Variants in CLK2 observed in about 807,000 individuals in gnomAD.
The protein encoded by CLK2 is CDC like kinase 2.
CLK2 carries 12 observed loss-of-function variants against 73.5 expected under a neutral mutation model. That is an observed-to-expected ratio of 0.16 (90% CI 0.10 to 0.26). CLK2 has a LOEUF of 0.26. Ranked by LOEUF, CLK2 falls within the 10% of genes least tolerant of loss-of-function variation. The probability of loss-of-function intolerance (pLI) is 1.00; values close to 1 mark genes in which losing one functional copy is unlikely to be tolerated. For missense variants in CLK2, 509 were observed against 688.4 expected (o/e 0.74, Z 2.92); for synonymous variants, 232 against 237.9 (o/e 0.98, Z 0.23).
At position 155,263,215 on chromosome 1, in the gene CLK2, T is replaced by C. The variant is rs1673057493; in HGVS notation, c.*3A>G. The C allele has an allele frequency of 1.2e-6, 2 of 1,611,656 alleles. No individual in the cohort carries two copies. The highest frequency in any genetic ancestry group is 8.5e-7 in the Non-Finnish European group (1 of 1,178,996). The stretch of plus-strand genomic sequence containing the variant: ...AGATGCAGGGGGGCCCAGGGCCTGA[T>C]CGTCACCGACTGATATCCCGACTGG... On this transcript the variant is annotated 3_prime_UTR_variant, in exon 13 of 13. Coordinates refer to ENST00000368361, the MANE Select transcript of CLK2 (RefSeq NM_001294338.2).
intron 1 of CLK2, among the ~76,000 whole-genome samples, chr1:155,272,204 C>T (rs1236305896): frequency 6.6e-6 from 1 of 152,090 alleles, no homozygotes; most frequent in Non-Finnish European, 1.5e-5. Context: ...TTAGTAGAGA[C>T]AGGGTTTCTC....
At chr1:155,266,590 G>A (rs1673243497) in intron 7 of CLK2, 139 bp downstream of exon 7, 9 of 889,606 alleles carry the variant, frequency 1.0e-5, no homozygotes, top group African/African-American at 3.5e-5. Flanking sequence ...GTCAGAAGAC[G>A]TTTCAAGATG....
Position 155,269,635 on chromosome 1 carries a change from C to T in CLK2, c.252G>A (p.Arg84=), listed in dbSNP as rs759643099. The change falls in exon 3 of 13, where the codon CGG becomes CGA. Residue 84 remains arginine (R), a synonymous_variant. Transcript: ENST00000368361. Reference sequence around the variant, plus strand: ...TGTCATAGTAGGCATCTCCCCGATCCCGGCTATAATCGTTGCGTCTGTAGC... The same window carrying T: ...TGTCATAGTAGGCATCTCCCCGATCTCGGCTATAATCGTTGCGTCTGTAGC... ...CGSYRRNDYS[R]DRGDAYYDTD... is the part of the protein sequence containing the mutation. 6.2e-7 allele frequency: 1 copy of T among 1,614,208 alleles called. No homozygotes were observed. Among genetic ancestry groups the T allele is most frequent in the South Asian group, 1.1e-5 (1 of 91,084 alleles).
chr1:155,269,202 A>T, intron 3 of CLK2: 1 of 589,002 alleles, frequency 1.7e-6, no homozygotes, highest in Non-Finnish European at 3.0e-6. Flanking sequence ...CAAGGTCCCC[A>T]TTAAAGAGTG....
intron 7 of CLK2, among the ~76,000 whole-genome samples, chr1:155,266,446 C>G (rs556734405): frequency 3.9e-5 from 6 of 152,272 alleles, no homozygotes; most frequent in Admixed American, 1.3e-4. Flanking sequence ...TGATGCTTTC[C>G]CAAGAAAGGG....
Position 155,268,641 on chromosome 1 carries a change from G to T in CLK2, c.487+67C>A. On this transcript the variant is annotated intron_variant, in intron 4 of 12. Coordinates refer to ENST00000368361, the MANE Select transcript of CLK2 (RefSeq NM_001294338.2). This position sits in a 1 kb window ranked among gnomAD's most constrained non-coding sequence, Gnocchi z 5.6. Reference sequence around the variant, plus strand: ...AAGGCAAGAGGCTGTGACTCAGGTTGGCTTGGGACGTTAGGATGGCTATGG... The same window carrying T: ...AAGGCAAGAGGCTGTGACTCAGGTTTGCTTGGGACGTTAGGATGGCTATGG... 1 of 1,423,010 alleles carries T rather than the reference G, an allele frequency of 7.0e-7. No individual in the cohort carries two copies. The highest frequency in any genetic ancestry group is 9.9e-7 in the Non-Finnish European group (1 of 1,006,004). The allele number at this position is 1,423,010 out of a possible 1,614,324, so 88.1% of individuals were successfully genotyped here. A position where few individuals can be genotyped will look rare whatever the true frequency, so the allele number is the denominator to read the frequency against.
chr1:155,263,536 C>T (rs1259085869), intron 12 of CLK2, 136 bp from the exon 13 acceptor site: 4 of 1,447,256 alleles, frequency 2.8e-6, no homozygotes, highest in African/African-American at 1.4e-5. Context: ...CACGACCACA[C>T]CAGGACCAAC....
At chr1:155,266,198 T>C (rs1336223888) in intron 7 of CLK2, among the ~76,000 whole-genome samples, 2 of 152,190 alleles carry the variant, frequency 1.3e-5, no homozygotes, top group Non-Finnish European at 2.9e-5. Flanking sequence ...AGTTGTAGTG[T>C]GTACACACTT....
rs761515095 is a variant in CLK2, at chr1:155,264,667, G to A, written c.1041C>T (p.Tyr347=). The A allele has an allele frequency of 5.6e-6, 9 of 1,614,106 alleles. No homozygotes were observed. The Admixed American group carries it at 1.2e-4, about 21-fold the overall frequency. The change falls in exon 9 of 13, where the codon TAC becomes TAT. Residue 347 remains tyrosine (Y), a synonymous_variant. Coordinates refer to ENST00000368361, the MANE Select transcript of CLK2 (RefSeq NM_001294338.2). ...TACCAAGGATGACTTCTGGTGCTCG[G>A]TAATGGCGAGTGGAGACAATGGTGC... ...HHSTIVSTRH[Y]RAPEVILELG...
rs968107332 is a variant in CLK2 at position 155,268,982 on chromosome 1, C to T, written c.400-187G>A. On this transcript the variant is annotated intron_variant, in intron 3 of 12. Transcript: ENST00000368361. The surrounding 1 kb of genome is among the most constrained non-coding windows in gnomAD (Gnocchi z 5.6). Reference sequence around the variant, plus strand: ...GGATCGGTGTGAGAAGAGAGAGCGGCGCATAATCCCAAGTCCCCAAACCCA... The same window carrying T: ...GGATCGGTGTGAGAAGAGAGAGCGGTGCATAATCCCAAGTCCCCAAACCCA... 8 of 615,774 alleles carry T rather than the reference C, an allele frequency of 1.3e-5. No homozygotes were observed. The highest frequency in any genetic ancestry group is 5.6e-5 in the South Asian group (3 of 53,192). 38.1% of individuals were successfully genotyped at this position (615,774 alleles called of 1,614,324 possible). A position where few individuals can be genotyped will look rare whatever the true frequency, so the allele number is the denominator to read the frequency against.
At position 155,266,713 on chromosome 1, in the gene CLK2, G is replaced by C. The variant is rs752280526; in HGVS notation, c.838+16C>G. On this transcript the variant is annotated intron_variant, in intron 7 of 12. Transcript: ENST00000368361. ...GAGGGACTGCCCCAGAGTCCACTTC[G>C]GCCCACCCCACTCACACTTGACAGC... 4.4e-6 allele frequency: 7 copies of C among 1,607,226 alleles called. No homozygotes were observed. In the East Asian group the frequency reaches 1.6e-4, roughly 36 times the overall value.
Position 155,263,076 on chromosome 1 carries a change from A to G in CLK2, c.*142T>C, listed in dbSNP as rs41264935. 5.2e-3 allele frequency: 3,872 copies of G among 751,452 alleles called. 15 individuals carry two copies. Among genetic ancestry groups the G allele is most frequent in the Non-Finnish European group, 7.2e-3 (3,413 of 477,296 alleles). 46.5% of individuals were successfully genotyped at this position (751,452 alleles called of 1,614,324 possible). On this transcript the variant is annotated 3_prime_UTR_variant, in exon 13 of 13. Coordinates refer to ENST00000368361, the MANE Select transcript of CLK2 (RefSeq NM_001294338.2). Reference sequence around the variant, plus strand: ...TAGGTACAAGTTCTTTCATATTTACACTATTTCACATATTCACAGGTATAT... The same window carrying G: ...TAGGTACAAGTTCTTTCATATTTACGCTATTTCACATATTCACAGGTATAT...
rs968076463 is a variant in CLK2 at position 155,268,499 on chromosome 1, A to G, written c.488-140T>C. 1 of 791,058 alleles carries G rather than the reference A, an allele frequency of 1.3e-6. No individual in the cohort carries two copies. The highest frequency in any genetic ancestry group is 2.1e-6 in the Non-Finnish European group (1 of 465,764). The allele number at this position is 791,058 out of a possible 1,614,324, so 49.0% of individuals were successfully genotyped here. A position where few individuals can be genotyped will look rare whatever the true frequency, so the allele number is the denominator to read the frequency against. On this transcript the variant is annotated intron_variant, in intron 4 of 12. Transcript: ENST00000368361. This position sits in a 1 kb window ranked among gnomAD's most constrained non-coding sequence, Gnocchi z 5.6. ...GATACAGATGGTCACAGGGGAAGAA[A>G]ACCCCTGCGTGATTCCCACCACCTT... is the stretch of plus-strand genomic sequence containing the variant.
chr1:155,264,376 T>C (rs1221604496), intron 10 of CLK2, 76 bp from the exon 11 acceptor site: 2 of 1,601,160 alleles, frequency 1.2e-6, no homozygotes, highest in Non-Finnish European at 8.6e-7. Flanking sequence ...AGGCAGGCAA[T>C]GTGGAGAACT....
chr1:155,263,288 G>A lies in CLK2; in HGVS notation c.1430C>T (p.Pro477Leu), dbSNP rs773231332. 5 of 1,614,060 alleles carry A rather than the reference G, an allele frequency of 3.1e-6. No individual in the cohort carries two copies. Among genetic ancestry groups the A allele is most frequent in the Non-Finnish European group, 4.2e-6 (5 of 1,180,054 alleles). ...RLTLGEALQH[P>L]FFARLRAEPP... ...CTCAGCCCGAAGGCGGGCGAAGAAA[G>A]GATGCTGAAGGGCTTCACCCAAGGT... The change falls in exon 13 of 13, where the codon CCT (proline) becomes CTT (leucine). Residue 477 changes from proline (P) to leucine (L), a missense_variant. Physicochemically the swap from Pro to Leu is moderately conservative, Grantham distance 98. Transcript: ENST00000368361.
intron 1 of CLK2, 39 bp from the exon 2 acceptor site, chr1:155,271,016 G>A: frequency 6.3e-7 from 1 of 1,591,538 alleles, no homozygotes; most frequent in Non-Finnish European, 8.6e-7. Context: ...AAAGTTTCGA[G>A]TTTTCAGAAA....
intron 3 of CLK2, 61 bp downstream of exon 3, chr1:155,269,427 A>G: frequency 2.1e-6 from 3 of 1,431,030 alleles, no homozygotes; most frequent in Non-Finnish European, 2.9e-6. Context: ...CTGCTCACTT[A>G]CCAGAGTCCT....
intron 6 of CLK2, 40 bp from the exon 7 acceptor site, chr1:155,266,935 C>T: frequency 1.2e-6 from 2 of 1,603,180 alleles, no homozygotes. Context: ...GTCTGATGAG[C>T]TCCCATCTGC....
In CLK2 at chr1:155,269,129, C is replaced by A. The variant is rs934913749; in HGVS notation, c.400-334G>T. On this transcript the variant is annotated intron_variant, in intron 3 of 12. Transcript: ENST00000368361. ...GACACAGATCTCCCCTTGCCCCCAC[C>A]CAAGCCCGCCTGCCAAGGGGGCTAC... 7.0e-6 allele frequency: 4 copies of A among 573,702 alleles called. No individual in the cohort carries two copies. The African/African-American group carries it at 7.5e-5, about 11-fold the overall frequency. 35.5% of individuals were successfully genotyped at this position (573,702 alleles called of 1,614,324 possible). A position where few individuals can be genotyped will look rare whatever the true frequency, so the allele number is the denominator to read the frequency against.
Sources: allele counts gnomAD v4.1 joint callset (sites outside exome capture counted in the v4.1 genomes callset), GRCh38; gene constraint gnomAD v4.1.1; non-coding constraint Gnocchi (gnomAD v3.1); transcripts MANE v1.5; gene names NCBI Gene and HGNC (gene_info 2026-07-23, HGNC 2026-07-21).